GRAP2: variants seen among roughly 807,000 people sequenced by gnomAD.
GRAP2 encodes GRB2 related adaptor protein 2, also known as GRB2-related adapter protein 2.
Under a neutral mutation model 43.5 loss-of-function variants are expected in GRAP2, and 31 were observed. The observed-to-expected ratio is 0.71, with a 90% CI of 0.54 to 0.96. The LOEUF is 0.96. GRAP2 is among the 40% of genes least tolerant of loss of function. GRAP2 has a pLI of 0.00. For missense variants in GRAP2, 371 were observed against 424.4 expected (o/e 0.87, Z 1.11); for synonymous variants, 156 against 164.8 (o/e 0.95, Z 0.41).
At chr22:39,945,422 CT>C (rs1474795170) in intron 1 of GRAP2, among the ~76,000 whole-genome samples, 6 of 152,198 alleles carry the variant, frequency 3.9e-5, no homozygotes, top group Non-Finnish European at 8.8e-5. Context: ...CTCTGATCTC[CT>C]GGCGTTTCAC....
chr22:39,946,363 A>C (rs1355569464), intron 1 of GRAP2, among the ~76,000 whole-genome samples: 3 of 152,248 alleles, frequency 2.0e-5, no homozygotes, highest in Non-Finnish European at 4.4e-5. Context: ...AGTTCATACT[A>C]AATGTATTAC....
Position 39,970,941 on chromosome 22 carries a change from G to A in GRAP2, c.850G>A (p.Ala284Thr), listed in dbSNP as rs1368091637. ...GGCCCGGGCGCTGTATGACTTTGAG[G>A]CCCTGGAGGATGACGAGCTGGGGTT... ...RWARALYDFE[A>T]LEDDELGFHS... Residue 284 changes from alanine (A) to threonine (T), a missense_variant, in exon 8 of 8, where the codon GCC (alanine) becomes ACC (threonine). Coordinates refer to ENST00000344138, the MANE Select transcript of GRAP2 (RefSeq NM_004810.4). 6.2e-7 allele frequency: 1 copy of A among 1,613,122 alleles called. No homozygotes were observed. The highest frequency in any genetic ancestry group is 2.2e-5 in the East Asian group (1 of 44,838).
intron 1 of GRAP2, among the ~76,000 whole-genome samples, chr22:39,914,807 A>G (rs1052498103): frequency 1.3e-5 from 2 of 152,184 alleles, no homozygotes; most frequent in Non-Finnish European, 2.9e-5. Context: ...GTGGGATGCG[A>G]CAGAACGTAC....
At chr22:39,895,282 C>T in the GRAP2 span, among the ~76,000 whole-genome samples, 1 of 152,136 alleles carries the variant, frequency 6.6e-6, no homozygotes, top group Non-Finnish European at 1.5e-5. Context: ...GTTTCTATCT[C>T]CTACTACTTC....
rs139552253 is a variant in GRAP2, at chr22:39,917,877, G to A, written c.-15+16547G>A. On this transcript the variant is annotated intron_variant, in intron 1 of 7. Transcript: ENST00000344138. Reference sequence around the variant, plus strand: ...TAAGGATCCAAACAGAAAGGAGATTGTGGTTCTTCTGTTTAAAAAATGAAG... The same window carrying A: ...TAAGGATCCAAACAGAAAGGAGATTATGGTTCTTCTGTTTAAAAAATGAAG... 8.8e-3 allele frequency among the ~76,000 whole-genome samples: 1,334 copies of A among 152,300 alleles called. 20 individuals are homozygous for A. Among genetic ancestry groups the A allele is most frequent in the African/African-American group, 0.031 (1,270 of 41,558 alleles).
At chr22:39,928,931 T>C (rs1172805460) in intron 1 of GRAP2, among the ~76,000 whole-genome samples, 1 of 152,198 alleles carries the variant, frequency 6.6e-6, no homozygotes, top group Non-Finnish European at 1.5e-5. Flanking sequence ...TATATGGTCA[T>C]AAGAAGGTAA....
intron 2 of GRAP2, among the ~76,000 whole-genome samples, chr22:39,953,705 G>A (rs563505451): frequency 7.9e-5 from 12 of 152,250 alleles, no homozygotes; most frequent in African/African-American, 2.9e-4. Flanking sequence ...TAACTCCTGG[G>A]CTCACACCCT....
In GRAP2 at chr22:39,927,093, C is replaced by CT. The variant is rs200792826; in HGVS notation, c.-14-19993dup. 7.3e-4 allele frequency among the ~76,000 whole-genome samples: 111 copies of CT among 152,262 alleles called. No homozygotes were observed. In the East Asian group the frequency reaches 0.019, roughly 26 times the overall value. The stretch of plus-strand genomic sequence containing the variant: ...CTCATTTTTCCTCCCCTCTTCTTCT[C>CT]TTTTTTTCATGCTCACTTCTGTGAG... On this transcript the variant is annotated intron_variant, in intron 1 of 7. Coordinates refer to ENST00000344138, the MANE Select transcript of GRAP2 (RefSeq NM_004810.4).
upstream of GRAP2, among the ~76,000 whole-genome samples, chr22:39,899,046 G>A (rs1217467417): frequency 6.6e-6 from 1 of 151,984 alleles, no homozygotes; most frequent in African/African-American, 2.4e-5. Context: ...CTCACATTAG[G>A]GTCTTTATTC....
chr22:39,949,175 C>T (rs541975031), intron 2 of GRAP2, among the ~76,000 whole-genome samples: 38 of 152,244 alleles, frequency 2.5e-4, no homozygotes, highest in African/African-American at 8.2e-4. Flanking sequence ...CCATTTCCAC[C>T]CAAGCCACTC....
chr22:39,913,842 C>A (rs1404281799), intron 1 of GRAP2, among the ~76,000 whole-genome samples: 1 of 152,142 alleles, frequency 6.6e-6, no homozygotes, highest in South Asian at 2.1e-4. Flanking sequence ...TATAATCCAT[C>A]GAAGTCACAG....
intron 1 of GRAP2, among the ~76,000 whole-genome samples, chr22:39,922,915 G>A (rs568939655): frequency 1.8e-4 from 28 of 152,188 alleles, no homozygotes; most frequent in Middle Eastern, 3.4e-3. Flanking sequence ...GGCGGCATGC[G>A]CCTGTAGTCC....
At chr22:39,965,868 G>A in intron 4 of GRAP2, 122 bp from the exon 5 acceptor site, 3 of 845,086 alleles carry the variant, frequency 3.5e-6, no homozygotes, top group Non-Finnish European at 6.0e-6. Context: ...CCAGTGATGA[G>A]TGAGTCATCC....
chr22:39,935,961 T>G (rs1041049008), intron 1 of GRAP2, among the ~76,000 whole-genome samples: 5 of 151,900 alleles, frequency 3.3e-5, no homozygotes, highest in African/African-American at 4.8e-5. Flanking sequence ...TTCAAATCCA[T>G]GATAAATAAG....
intron 1 of GRAP2, among the ~76,000 whole-genome samples, chr22:39,912,886 T>C (rs1204906651): frequency 2.0e-5 from 3 of 151,796 alleles, no homozygotes; most frequent in Non-Finnish European, 4.4e-5. Flanking sequence ...ACAAAGGCAG[T>C]GAGCTCTAGA....
intron 1 of GRAP2, among the ~76,000 whole-genome samples, chr22:39,938,822 G>A (rs1291359567): frequency 6.6e-6 from 1 of 152,234 alleles, no homozygotes; most frequent in Non-Finnish European, 1.5e-5. Flanking sequence ...AGGAATGGAT[G>A]GGAGTGGGGA....
intron 3 of GRAP2, among the ~76,000 whole-genome samples, chr22:39,957,345 A>G (rs1357291462): frequency 6.6e-6 from 1 of 152,146 alleles, no homozygotes; most frequent in African/African-American, 2.4e-5. Flanking sequence ...CCCTCCGTGC[A>G]TCACTCTTAG....
intron 2 of GRAP2, among the ~76,000 whole-genome samples, chr22:39,954,057 A>G (rs967815891): frequency 1.3e-5 from 2 of 152,182 alleles, no homozygotes; most frequent in African/African-American, 4.8e-5. Context: ...ACCTCCTCAG[A>G]GCTGAAGGAG....
chr22:39,960,408 C>T (rs781414981), intron 4 of GRAP2: 4 of 475,156 alleles, frequency 8.4e-6, no homozygotes, highest in African/African-American at 1.9e-5. Context: ...GCCCATCTGC[C>T]TCCCCTTCTA....
Sources: gnomAD v4.1 joint callset for allele counts (sites outside exome capture counted in the v4.1 genomes callset) on GRCh38, gnomAD v4.1.1 for gene constraint, MANE v1.5 for transcripts, NCBI Gene and HGNC (gene_info 2026-07-23, HGNC 2026-07-21) for gene names.